NR6A1: variants seen among roughly 807,000 people sequenced by gnomAD.
The protein encoded by NR6A1 is retinoic acid receptor-related testis-associated receptor.
Under a neutral mutation model 59.1 loss-of-function variants are expected in NR6A1, and 7 were observed. The observed-to-expected ratio is 0.12, with a 90% confidence interval of 0.07 to 0.22. The LOEUF is 0.22. Ranked by LOEUF, NR6A1 falls within the 10% of genes least tolerant of loss-of-function variation. The pLI is 1.00. For missense variants in NR6A1, 468 were observed against 611.6 expected (o/e 0.77, Z 2.48); for synonymous variants, 243 against 236.1 (o/e 1.03, Z -0.27).
chr9:124,537,235 G>A (rs1588646709), intron 6 of NR6A1, among the ~76,000 whole-genome samples: 2 of 152,114 alleles, frequency 1.3e-5, no homozygotes, highest in South Asian at 2.1e-4. Context: ...GATTACAGGC[G>A]TGTGCCACCA....
At chr9:124,762,649 G>C (rs572669799) in intron 1 of NR6A1, among the ~76,000 whole-genome samples, 1 of 152,322 alleles carries the variant, frequency 6.6e-6, no homozygotes, top group African/African-American at 2.4e-5. Flanking sequence ...AATGAACTAT[G>C]TGTAATCCGT....
rs1837532145 is a variant in NR6A1, at chr9:124,664,167, T to C, written c.142+69141A>G. On this transcript the variant is annotated intron_variant, in intron 2 of 9. Transcript: ENST00000487099. Reference sequence around the variant, plus strand: ...GGATTCATTTTAAAGTTGATAATAATCCAGCAGGAATGAGAAATCAGTGTT... The same window carrying C: ...GGATTCATTTTAAAGTTGATAATAACCCAGCAGGAATGAGAAATCAGTGTT... Among the ~76,000 whole-genome samples the C allele has an allele frequency of 2.0e-5, 3 of 152,192 alleles. No individual in the cohort carries two copies. The South Asian group carries it at 6.2e-4, about 32-fold the overall frequency.
chr9:124,638,231 G>A (rs1233510495), intron 2 of NR6A1, among the ~76,000 whole-genome samples: 3 of 151,790 alleles, frequency 2.0e-5, no homozygotes, highest in Non-Finnish European at 4.4e-5. Flanking sequence ...ACTCCAACCT[G>A]GGTAGAGTGA....
chr9:124,756,090 TATTA>T (rs1194139495), intron 1 of NR6A1, among the ~76,000 whole-genome samples: 3 of 152,214 alleles, frequency 2.0e-5, no homozygotes, highest in African/African-American at 4.8e-5. Context: ...TAGTACCTCT[TATTA>T]ATTATTTCTG....
At position 124,679,244 on chromosome 9, in the gene NR6A1, A is replaced by T. The variant is rs138240527; in HGVS notation, c.142+54064T>A. On this transcript the variant is annotated intron_variant, in intron 2 of 9. Transcript: ENST00000487099. The stretch of plus-strand genomic sequence containing the variant: ...TTTCCATAACTGGTTGCTTCTGATC[A>T]GTGTTCATTTTGGAGACATCGATAA... Among the ~76,000 whole-genome samples the T allele has an allele frequency of 1.6e-4, 24 of 152,302 alleles. No homozygotes were observed. In the East Asian group the frequency reaches 3.9e-3, roughly 24 times the overall value.
At chr9:124,602,937 T>C (rs1200069210) in intron 2 of NR6A1, among the ~76,000 whole-genome samples, 1 of 152,206 alleles carries the variant, frequency 6.6e-6, no homozygotes, top group Non-Finnish European at 1.5e-5. Context: ...GTGCAAATAT[T>C]ATACTAAGCT....
intron 2 of NR6A1, among the ~76,000 whole-genome samples, chr9:124,691,069 T>C (rs1838527883): frequency 6.6e-6 from 1 of 152,242 alleles, no homozygotes; most frequent in Non-Finnish European, 1.5e-5. Flanking sequence ...ATCCAAATAG[T>C]ATAAGGCTTG....
intron 2 of NR6A1, among the ~76,000 whole-genome samples, chr9:124,644,635 T>G (rs948218646): frequency 6.6e-6 from 1 of 152,180 alleles, no homozygotes; most frequent in African/African-American, 2.4e-5. Context: ...TCCAAACTGA[T>G]AGTGTCTAAA....
At chr9:124,645,814 G>A (rs1836914676) in intron 2 of NR6A1, among the ~76,000 whole-genome samples, 1 of 152,136 alleles carries the variant, frequency 6.6e-6, no homozygotes, top group Non-Finnish European at 1.5e-5. Flanking sequence ...AATAGCAGCA[G>A]ATTTCACATT....
intron 2 of NR6A1, among the ~76,000 whole-genome samples, chr9:124,727,196 C>T (rs1839747723): frequency 6.6e-6 from 1 of 152,060 alleles, no homozygotes; most frequent in Admixed American, 6.6e-5. Flanking sequence ...TCTTATTTTC[C>T]CTGAGTAATT....
Position 124,752,546 on chromosome 9 carries a change from T to C in NR6A1, c.100+18474A>G, listed in dbSNP as rs577696911. ...AAAAGTCAAAGAAATTGTCCTTTAATGCACTTGAGATAACATCTGTTTCAA... is the reference window on the plus strand; with the variant it reads ...AAAAGTCAAAGAAATTGTCCTTTAACGCACTTGAGATAACATCTGTTTCAA... On this transcript the variant is annotated intron_variant, in intron 1 of 9. Coordinates refer to ENST00000487099, the MANE Select transcript of NR6A1 (RefSeq NM_033334.4). Among the ~76,000 whole-genome samples the C allele has an allele frequency of 1.1e-3, 171 of 152,312 alleles. 1 individual carries two copies. The highest frequency in any genetic ancestry group is 4.0e-3 in the African/African-American group (167 of 41,582).
In NR6A1 at chr9:124,598,967, T is replaced by G; in HGVS notation, c.143-44397A>C. ...GGCATGGTCATTACCCACGTTGGGTTTCAGCTCCACCATTGGCGTGTAGTG... is the reference window on the plus strand; with the variant it reads ...GGCATGGTCATTACCCACGTTGGGTGTCAGCTCCACCATTGGCGTGTAGTG... On this transcript the variant is annotated intron_variant, in intron 2 of 9. Transcript: ENST00000487099. The G allele has an allele frequency of 4.2e-6, 3 of 720,834 alleles. No individual in the cohort carries two copies. In the South Asian group the frequency reaches 4.3e-5, roughly 10 times the overall value. 44.7% of individuals were successfully genotyped at this position (720,834 alleles called of 1,614,324 possible).
intron 7 of NR6A1, among the ~76,000 whole-genome samples, chr9:124,535,220 C>T (rs1833219923): frequency 6.6e-6 from 1 of 152,144 alleles, no homozygotes; most frequent in Non-Finnish European, 1.5e-5. Context: ...CAGAGCCTCT[C>T]TTGCCTTGTA....
At chr9:124,527,524 G>A (rs951530258) in intron 7 of NR6A1, among the ~76,000 whole-genome samples, 9 of 152,212 alleles carry the variant, frequency 5.9e-5, no homozygotes, top group Admixed American at 1.3e-4. Flanking sequence ...GGCACTTTGT[G>A]AGCATTATCA....
intron 1 of NR6A1, among the ~76,000 whole-genome samples, chr9:124,736,219 C>T (rs1447492647): frequency 6.6e-6 from 1 of 152,118 alleles, no homozygotes; most frequent in Non-Finnish European, 1.5e-5. Flanking sequence ...CCTCAGACTA[C>T]TTTGGACATT....
chr9:124,633,180 G>A (rs989040086), intron 2 of NR6A1, among the ~76,000 whole-genome samples: 16 of 151,958 alleles, frequency 1.1e-4, no homozygotes, highest in African/African-American at 2.2e-4. Context: ...CAAGGCGAGC[G>A]GATCACCAGG....
intron 2 of NR6A1, among the ~76,000 whole-genome samples, chr9:124,700,474 G>A (rs1270529895): frequency 6.6e-6 from 1 of 152,020 alleles, no homozygotes; most frequent in Non-Finnish European, 1.5e-5. Flanking sequence ...ACCTGCCTCA[G>A]CCTCCCAAAG....
At chr9:124,646,164 C>T (rs1233064043) in intron 2 of NR6A1, among the ~76,000 whole-genome samples, 2 of 152,062 alleles carry the variant, frequency 1.3e-5, no homozygotes, top group African/African-American at 2.4e-5. Flanking sequence ...GAAAAGACAA[C>T]CTAAAACCAA....
intron 1 of NR6A1, among the ~76,000 whole-genome samples, chr9:124,769,240 T>A (rs866597010): frequency 5.5e-5 from 7 of 127,248 alleles, no homozygotes; most frequent in Non-Finnish European, 8.0e-5. Flanking sequence ...CCATCATACA[T>A]CATACACAAA....
Sources: gnomAD v4.1 joint callset for allele counts (sites outside exome capture counted in the v4.1 genomes callset) on GRCh38, gnomAD v4.1.1 for gene constraint, MANE v1.5 for transcripts, NCBI Gene and HGNC (gene_info 2026-07-23, HGNC 2026-07-21) for gene names.